Variants in SETBP1 observed in about 807,000 individuals in gnomAD.
The protein encoded by SETBP1 is SET binding protein 1.
A neutral mutation model predicts 101.0 loss-of-function variants in SETBP1; 9 were observed. The ratio of observed to expected loss-of-function variants is 0.09; its 90% CI spans 0.05 to 0.16. The LOEUF is 0.16. Among genes scored for constraint, SETBP1 ranks in the 10% least tolerant of loss-of-function variants. The pLI, the probability that SETBP1 is intolerant of heterozygous loss-of-function variation, is 1.00. For synonymous variants in SETBP1, 818 were observed against 788.5 expected (o/e 1.04, Z -0.63); for missense variants, 1,858 against 2,033.8 (o/e 0.91, Z 1.66).
chr18:44,990,435 A>C (rs956045484), intron 4 of SETBP1, among the ~76,000 whole-genome samples: 1 of 152,098 alleles, frequency 6.6e-6, no homozygotes, highest in African/African-American at 2.4e-5. Context: ...CTTTACAAAA[A>C]TAAAAGATTA....
intron 2 of SETBP1, among the ~76,000 whole-genome samples, chr18:44,857,303 G>A (rs4890490): frequency 0.35 from 53,646 of 151,982 alleles, 9,910 homozygotes; most frequent in Non-Finnish European, 0.41. Context: ...GTGGACTCTA[G>A]GTAATCTCTC....
At chr18:44,889,832 T>C (rs1454356687) in intron 3 of SETBP1, among the ~76,000 whole-genome samples, 2 of 152,248 alleles carry the variant, frequency 1.3e-5, no homozygotes, top group African/African-American at 2.4e-5. Flanking sequence ...AATTGGCCAA[T>C]AGAAATTCTT....
intron 4 of SETBP1, among the ~76,000 whole-genome samples, chr18:45,014,260 C>G (rs1011038358): frequency 6.6e-6 from 1 of 152,136 alleles, no homozygotes; most frequent in Non-Finnish European, 1.5e-5. Context: ...TCAGAGGAAT[C>G]GGTTTCAGCC....
chr18:44,732,475 C>A (rs557019311), intron 2 of SETBP1: 1 of 152,272 alleles, frequency 6.6e-6, no homozygotes, highest in African/African-American at 2.4e-5. Flanking sequence ...TTAGTCAAAA[C>A]AAGACGTTAG....
At chr18:44,998,729 G>A (rs761180416) in intron 4 of SETBP1, among the ~76,000 whole-genome samples, 6 of 152,168 alleles carry the variant, frequency 3.9e-5, no homozygotes, top group East Asian at 1.9e-4. Flanking sequence ...GGTTGGATAC[G>A]GGGAAGTAAA....
chr18:44,728,485 A>T (rs150302271), intron 2 of SETBP1, among the ~76,000 whole-genome samples: 2 of 152,328 alleles, frequency 1.3e-5, no homozygotes, highest in East Asian at 3.8e-4. Context: ...CCATTTGTTC[A>T]TTCAGTTAAC....
At chr18:44,701,892 T>C in intron 2 of SETBP1, 60 bp downstream of exon 2, 1 of 1,573,172 alleles carries the variant, frequency 6.4e-7, no homozygotes, top group Non-Finnish European at 8.6e-7. Context: ...CATTTTATCC[T>C]CAACTTCTTA....
At chr18:45,009,517 T>C (rs1171609852) in intron 4 of SETBP1, among the ~76,000 whole-genome samples, 2 of 151,974 alleles carry the variant, frequency 1.3e-5, no homozygotes, top group Non-Finnish European at 2.9e-5. Flanking sequence ...TTTTTCACTT[T>C]TGTTGTCATC....
chr18:45,032,631 C>A (rs1429875003), intron 4 of SETBP1, among the ~76,000 whole-genome samples: 1 of 152,154 alleles, frequency 6.6e-6, no homozygotes, highest in African/African-American at 2.4e-5. Context: ...AGGTGCCTGG[C>A]ATGGGAGGAG....
At chr18:44,821,393 T>A (rs977496208) in intron 2 of SETBP1, among the ~76,000 whole-genome samples, 2 of 152,236 alleles carry the variant, frequency 1.3e-5, no homozygotes, top group African/African-American at 4.8e-5. Context: ...TTTGTCTTTC[T>A]GTGTCCCTAT....
chr18:44,817,717 C>T (rs2072012566), intron 2 of SETBP1, among the ~76,000 whole-genome samples: 1 of 150,680 alleles, frequency 6.6e-6, no homozygotes, highest in African/African-American at 2.4e-5. Context: ...AAAGGCTTCA[C>T]ACATGAGTGT....
chr18:44,903,752 A>G (rs1433544084), intron 3 of SETBP1, among the ~76,000 whole-genome samples: 1 of 152,314 alleles, frequency 6.6e-6, no homozygotes, highest in African/African-American at 2.4e-5. Flanking sequence ...ATTGAAATTC[A>G]CCACAAACAG....
Position 44,952,282 on chromosome 18 carries a change from C to A in SETBP1, c.2942C>A (p.Pro981Gln), listed in dbSNP as rs2145108878. ...HRSYTFYHENPYPSIFRINFD... is the reference protein window; with the variant it reads ...HRSYTFYHENQYPSIFRINFD... ...AGTTACACCTTCTACCACGAGAATC[C>A]ATATCCCAGCATTTTTCGGATTAAT... The change falls in exon 4 of 6, where the codon CCA becomes CAA. Residue 981 changes from proline (P) to glutamine (Q), a missense_variant. Pro to Gln is a moderately conservative substitution (Grantham distance 76). This residue lies in a region of SETBP1 where 255 missense variants were observed against 300.1 expected (regional missense o/e 0.85). Transcript: ENST00000649279. 3 of 1,614,136 alleles carry A rather than the reference C, an allele frequency of 1.9e-6. No homozygotes were observed. Among genetic ancestry groups the A allele is most frequent in the Non-Finnish European group, 1.7e-6 (2 of 1,180,026 alleles).
chr18:44,868,922 C>T lies in SETBP1; in HGVS notation c.487-308C>T, dbSNP rs189512678. Among the ~76,000 whole-genome samples, 8 of 152,226 alleles carry T rather than the reference C, an allele frequency of 5.3e-5. No individual in the cohort carries two copies. In the East Asian group the frequency reaches 1.4e-3, roughly 26 times the overall value. On this transcript the variant is annotated intron_variant, in intron 2 of 5. Coordinates refer to ENST00000649279, the MANE Select transcript of SETBP1 (RefSeq NM_015559.3). ...CACACATACTTACAATTTCAGGGAG[C>T]CATGGACCTGATGAAGGCCATCCAT... is the stretch of plus-strand genomic sequence containing the variant.
intron 3 of SETBP1, among the ~76,000 whole-genome samples, chr18:44,884,333 T>C (rs1460838805): frequency 6.6e-6 from 1 of 152,200 alleles, no homozygotes; most frequent in Non-Finnish European, 1.5e-5. Context: ...CCAAGCACTT[T>C]GCCTGGAACA....
At chr18:44,844,883 C>T (rs1033226708) in intron 2 of SETBP1, among the ~76,000 whole-genome samples, 4 of 151,988 alleles carry the variant, frequency 2.6e-5, no homozygotes, top group African/African-American at 9.7e-5. Flanking sequence ...GGCATCAGGC[C>T]GGTAGACAAG....
chr18:44,899,305 A>G (rs887953391), intron 3 of SETBP1, among the ~76,000 whole-genome samples: 2 of 152,236 alleles, frequency 1.3e-5, no homozygotes, highest in African/African-American at 2.4e-5. Context: ...TTTGTCGAGT[A>G]ATTTCCAGAC....
chr18:45,015,444 G>A (rs989103840), intron 4 of SETBP1, among the ~76,000 whole-genome samples: 2 of 152,068 alleles, frequency 1.3e-5, no homozygotes, highest in Admixed American at 1.3e-4. Flanking sequence ...CAGTGAATAG[G>A]TATAAGGTGC....
At position 44,950,622 on chromosome 18, in the gene SETBP1, G is replaced by C. The variant is rs2071322390; in HGVS notation, c.1282G>C (p.Val428Leu). The C allele has an allele frequency of 1.2e-6, 2 of 1,614,004 alleles. No homozygotes were observed. Among genetic ancestry groups the C allele is most frequent in the Non-Finnish European group, 1.7e-6 (2 of 1,180,046 alleles). ...RKKRQSIKAV[V>L]EKIMPEKALA... ...AAAAAGACAGTCCATTAAAGCGGTGGTGGAAAAGATCATGCCAGAGAAAGC... is the reference window on the plus strand; with the variant it reads ...AAAAAGACAGTCCATTAAAGCGGTGCTGGAAAAGATCATGCCAGAGAAAGC... The change falls in exon 4 of 6, where the codon GTG becomes CTG. Residue 428 changes from valine (V) to leucine (L), a missense_variant. Physicochemically the swap from Val to Leu is conservative, Grantham distance 32. Around this residue, in one of 12 missense-constraint regions of SETBP1, gnomAD observed 581 missense variants for 535.1 expected, o/e 1.09. Coordinates refer to ENST00000649279, the MANE Select transcript of SETBP1 (RefSeq NM_015559.3).
Sources: gnomAD v4.1 joint callset for allele counts (sites outside exome capture counted in the v4.1 genomes callset) on GRCh38, gnomAD v4.1.1 for gene constraint, gnomAD v4.1.1 regional missense constraint, MANE v1.5 for transcripts, NCBI Gene and HGNC (gene_info 2026-07-23, HGNC 2026-07-21) for gene names.